Variants in ICE1 observed in about 807,000 individuals in gnomAD.
ICE1 encodes interactor of little elongation complex ELL subunit 1.
Under a neutral mutation model 192.7 loss-of-function variants are expected in ICE1, and 64 were observed. The observed-to-expected ratio is 0.33, with a 90% CI of 0.27 to 0.41. The LOEUF (loss-of-function observed/expected upper bound fraction) is 0.41. Ranked by LOEUF, ICE1 falls within the 10% of genes least tolerant of loss-of-function variation. The pLI is 1.00. For missense variants in ICE1, 2,708 were observed against 2,696.0 expected, an observed-to-expected ratio of 1.00 and a Z score of -0.10; for synonymous variants, 1,010 against 984.5, an observed-to-expected ratio of 1.03 and a Z score of -0.49.
At chr5:5,449,474 C>CA (rs1738351620) in intron 10 of ICE1, among the ~76,000 whole-genome samples, 1 of 147,148 alleles carries the variant, frequency 6.8e-6, no homozygotes, top group South Asian at 2.2e-4. Context: ...AAAAAAAAAA[C>CA]AAAAACAGCA....
chr5:5,461,974 A>AC lies in ICE1; in HGVS notation c.2641dup (p.His881ProfsTer2). The stretch of plus-strand genomic sequence containing the variant: ...GTGCCAAATTGGAACACTTGAGGCC[A>AC]CATAGGGTTGAGCCTACCTTAGTAA... On this transcript the variant is annotated frameshift_variant, in exon 13 of 19. Transcript: ENST00000296564. LOFTEE classifies it high-confidence loss of function. The AC allele has an allele frequency of 1.2e-6, 2 of 1,613,982 alleles. No individual in the cohort carries two copies. The highest frequency in any genetic ancestry group is 1.7e-6 in the Non-Finnish European group (2 of 1,179,896).
At chr5:5,465,643 TTAAA>T (rs1466716447) in intron 13 of ICE1, among the ~76,000 whole-genome samples, 1 of 152,196 alleles carries the variant, frequency 6.6e-6, no homozygotes, top group Non-Finnish European at 1.5e-5. Context: ...TGGTTTAAAT[TTAAA>T]TATGTAGTTT....
At chr5:5,438,007 G>A (rs2578548) in intron 3 of ICE1, among the ~76,000 whole-genome samples, 42,254 of 152,016 alleles carry the variant, frequency 0.28, 6,312 homozygotes, top group Non-Finnish European at 0.34. Context: ...TGATTCTCAC[G>A]CTGCTATAAA....
chr5:5,440,662 A>AT (rs1222166281), intron 4 of ICE1, among the ~76,000 whole-genome samples: 4 of 152,170 alleles, frequency 2.6e-5, no homozygotes, highest in Non-Finnish European at 4.4e-5. Context: ...TACTATTAAA[A>AT]TTTTTTTTAA....
chr5:5,436,853 G>A (rs1737884278), intron 2 of ICE1, among the ~76,000 whole-genome samples: 1 of 152,064 alleles, frequency 6.6e-6, no homozygotes, highest in Admixed American at 6.6e-5. Flanking sequence ...TCTCATGAAT[G>A]TATGAGCCAA....
chr5:5,456,170 G>A (rs375981987), intron 11 of ICE1, among the ~76,000 whole-genome samples: 1 of 152,082 alleles, frequency 6.6e-6, no homozygotes, highest in Non-Finnish European at 1.5e-5. Context: ...ATTATCACTG[G>A]GCTCTAACCT....
intron 3 of ICE1, chr5:5,437,717 G>A (rs1285468485): frequency 2.6e-5 from 4 of 152,294 alleles, no homozygotes; most frequent in African/African-American, 9.7e-5. Context: ...TTTTTTAGCA[G>A]TGGGAAAAAG....
In ICE1 at chr5:5,460,576, C is replaced by G; in HGVS notation, c.1242C>G (p.Gly414=). 1 of 1,612,642 alleles carries G rather than the reference C, an allele frequency of 6.2e-7. No homozygotes were observed. The highest frequency in any genetic ancestry group is 8.5e-7 in the Non-Finnish European group (1 of 1,179,222). Residue 414 remains glycine (G), a synonymous_variant, in exon 13 of 19, where the codon GGC becomes GGG. Transcript: ENST00000296564. ...CATTGAGAAAAAATAAAGGAAGTGG[C>G]ACATGGGAGGAAAAGCCCAAATCAC... ...FGSLRKNKGS[G]TWEEKPKSHE...
intron 10 of ICE1, among the ~76,000 whole-genome samples, chr5:5,449,945 C>T (rs1738364138): frequency 6.6e-6 from 1 of 152,210 alleles, no homozygotes; most frequent in Non-Finnish European, 1.5e-5. Context: ...CTTTCCACTG[C>T]TTCCCCTGCA....
Position 5,460,553 on chromosome 5 carries a change from T to C in ICE1, c.1219T>C (p.Leu407=), listed in dbSNP as rs1738737410. 1 of 1,612,276 alleles carries C rather than the reference T, an allele frequency of 6.2e-7. No individual in the cohort carries two copies. Among genetic ancestry groups the C allele is most frequent in the Non-Finnish European group, 8.5e-7 (1 of 1,179,008 alleles). The part of the protein sequence containing the change: ...TTESQNYFGS[L]RKNKGSGTWE... ...TGAATCACAGAATTATTTTGGCTCA[T>C]TGAGAAAAAATAAAGGAAGTGGCAC... Residue 407 remains leucine, a synonymous_variant, in exon 13 of 19, where the codon TTG becomes CTG. Transcript: ENST00000296564.
In ICE1 at chr5:5,447,827, C is replaced by A; in HGVS notation, c.548-14C>A. The A allele has an allele frequency of 6.3e-7, 1 of 1,574,916 alleles. No homozygotes were observed. Among genetic ancestry groups the A allele is most frequent in the Non-Finnish European group, 8.6e-7 (1 of 1,157,834 alleles). On this transcript the variant is annotated splice_polypyrimidine_tract_variant and intron_variant, in intron 9 of 18. Transcript: ENST00000296564. ...TGTAGTATTTTATTAACCGTTTTTT[C>A]CCCATGCTTTTAGAGTTGAGACATA...
In ICE1 at chr5:5,489,264, C is replaced by T. The variant is rs749560033; in HGVS notation, c.6735C>T (p.Ser2245=). The change falls in exon 19 of 19, where the codon AGC becomes AGT. Residue 2245 remains serine (S), a synonymous_variant. Coordinates refer to ENST00000296564, the MANE Select transcript of ICE1 (RefSeq NM_015325.3). ...LEAWRREASK[S]VPSAIVSCLE... ...CTTGGCGGAGAGAGGCCTCCAAAAG[C>T]GTTCCGTCTGCGATTGTCAGCTGCC... 2.4e-5 allele frequency: 39 copies of T among 1,613,660 alleles called. No individual in the cohort carries two copies. Among genetic ancestry groups the T allele is most frequent in the East Asian group, 6.7e-5 (3 of 44,884 alleles).
At chr5:5,443,661 G>A (rs149003393) in intron 6 of ICE1, among the ~76,000 whole-genome samples, 85 of 152,234 alleles carry the variant, frequency 5.6e-4, no homozygotes, top group African/African-American at 2.0e-3. Flanking sequence ...TGCTTTAACC[G>A]ATAGCATGTG....
intron 5 of ICE1, among the ~76,000 whole-genome samples, chr5:5,442,004 T>C (rs1561077652): frequency 2.6e-5 from 4 of 152,172 alleles, no homozygotes; most frequent in Admixed American, 6.5e-5. Context: ...AGATGGAGCA[T>C]TGGGAGAAGA....
intron 1 of ICE1, among the ~76,000 whole-genome samples, chr5:5,426,489 G>A (rs60016681): frequency 0.032 from 4,823 of 151,806 alleles, 167 homozygotes; most frequent in East Asian, 0.15. Context: ...AGGGAGGTGT[G>A]AGGATAGGAA....
chr5:5,423,379 T>A (rs1001006486), intron 1 of ICE1, among the ~76,000 whole-genome samples: 21 of 152,138 alleles, frequency 1.4e-4, no homozygotes, highest in African/African-American at 4.6e-4. Flanking sequence ...GATAACGCTT[T>A]GGTCTTCTGG....
chr5:5,451,634 A>G (rs975542616), intron 10 of ICE1, among the ~76,000 whole-genome samples: 2 of 152,186 alleles, frequency 1.3e-5, no homozygotes, highest in Non-Finnish European at 2.9e-5. Context: ...AAATTGACTC[A>G]GAACAATTGC....
Position 5,464,008 on chromosome 5 carries a change from T to G in ICE1, c.4674T>G (p.Ile1558Met). Residue 1558 changes from isoleucine (I) to methionine (M), a missense_variant, in exon 13 of 19, where the codon ATT (isoleucine) becomes ATG (methionine). Transcript: ENST00000296564. This position sits in a 1 kb window ranked among gnomAD's most constrained non-coding sequence, Gnocchi z 4.0. ...GCAAAAATAAGAATCGATCAAAGAT[T>G]TCAAACAAAGATCAGTCAAACAAAC... is the stretch of plus-strand genomic sequence containing the variant. ...PSGKNKNRSK[I>M]SNKDQSNKPV... The G allele has an allele frequency of 6.2e-7, 1 of 1,613,708 alleles. No individual in the cohort carries two copies. The highest frequency in any genetic ancestry group is 1.6e-4 in the Middle Eastern group (1 of 6,062).
Position 5,463,616 on chromosome 5 carries a change from A to T in ICE1, c.4282A>T (p.Ser1428Cys). The T allele has an allele frequency of 6.2e-7, 1 of 1,614,022 alleles. No homozygotes were observed. The highest frequency in any genetic ancestry group is 8.5e-7 in the Non-Finnish European group (1 of 1,179,878). Residue 1428 changes from serine (S) to cysteine (C), a missense_variant, in exon 13 of 19, where the codon AGT (serine) becomes TGT (cysteine). Around this residue, in one of 2 missense-constraint regions of ICE1, gnomAD observed 2,366 missense variants for 2,276.6 expected, o/e 1.04. Coordinates refer to ENST00000296564, the MANE Select transcript of ICE1 (RefSeq NM_015325.3). ...IEKGDNWTIISGVAVLPHVDQ... is the reference protein window; with the variant it reads ...IEKGDNWTIICGVAVLPHVDQ... ...AAAGGGGGACAACTGGACAATCATC[A>T]GTGGTGTAGCTGTCTTGCCACATGT...
Sources: gnomAD v4.1 joint callset for allele counts (sites outside exome capture counted in the v4.1 genomes callset) on GRCh38, gnomAD v4.1.1 for gene constraint, gnomAD v4.1.1 regional missense constraint, Gnocchi (gnomAD v3.1) non-coding constraint, MANE v1.5 for transcripts, NCBI Gene and HGNC (gene_info 2026-07-23, HGNC 2026-07-21) for gene names.